FBN2: variants seen among roughly 807,000 people sequenced by gnomAD.
FBN2 encodes the protein fibrillin 2, also known as fibrillin-2.
Under a neutral mutation model 355.6 loss-of-function variants are expected in FBN2, and 105 were observed. That is an observed-to-expected ratio of 0.30 (90% CI 0.25 to 0.35). FBN2 has a LOEUF of 0.35. Ranked by LOEUF, FBN2 falls within the 10% of genes least tolerant of loss-of-function variation. The pLI is 1.00. For synonymous variants in FBN2, 1,350 were observed against 1,301.2 expected, an observed-to-expected ratio of 1.04 and a Z score of -0.81; for missense variants, 3,280 against 3,758.7, an observed-to-expected ratio of 0.87 and a Z score of 3.33.
chr5:128,289,072 A>G (rs1420781546), intron 52 of FBN2, 55 bp downstream of exon 52: 2 of 1,591,634 alleles, frequency 1.3e-6, no homozygotes, highest in Non-Finnish European at 1.7e-6. Flanking sequence ...CCTTTTACTG[A>G]ATATGAGAAG....
chr5:128,317,058 G>A (rs939040116), intron 36 of FBN2, among the ~76,000 whole-genome samples: 1 of 151,950 alleles, frequency 6.6e-6, no homozygotes, highest in Non-Finnish European at 1.5e-5. Context: ...TGTCTCTAAC[G>A]CCAGCCTTCT....
intron 5 of FBN2, among the ~76,000 whole-genome samples, chr5:128,495,904 CAT>C (rs1320681764): frequency 6.6e-6 from 1 of 152,034 alleles, no homozygotes; most frequent in Non-Finnish European, 1.5e-5. Context: ...ACAAATCAGA[CAT>C]ATGAAATGGA....
chr5:128,424,013 A>G (rs866455120), intron 7 of FBN2, among the ~76,000 whole-genome samples: 1 of 152,286 alleles, frequency 6.6e-6, no homozygotes, highest in South Asian at 2.1e-4. Context: ...AATTGTGCCA[A>G]TCACTGTCAT....
chr5:128,496,896 C>T (rs1334788612), intron 5 of FBN2, among the ~76,000 whole-genome samples: 1 of 151,976 alleles, frequency 6.6e-6, no homozygotes, highest in East Asian at 1.9e-4. Flanking sequence ...AACTGCATTA[C>T]TGTACACTGG....
intron 5 of FBN2, among the ~76,000 whole-genome samples, chr5:128,506,538 T>G (rs955899325): frequency 6.6e-6 from 1 of 152,130 alleles, no homozygotes; most frequent in African/African-American, 2.4e-5. Context: ...ACTTATGAGC[T>G]CCAGTAGATT....
At chr5:128,477,378 G>A (rs1755033656) in intron 5 of FBN2, among the ~76,000 whole-genome samples, 1 of 152,102 alleles carries the variant, frequency 6.6e-6, no homozygotes, top group South Asian at 2.1e-4. Flanking sequence ...AAGGAGTTAT[G>A]TTTGAAACTG....
intron 28 of FBN2, among the ~76,000 whole-genome samples, 186 bp downstream of exon 28, chr5:128,335,802 G>C (rs1323933300): frequency 6.6e-6 from 1 of 152,212 alleles, no homozygotes; most frequent in East Asian, 1.9e-4. Context: ...ATGGGGATTA[G>C]AGCATTTTCT....
chr5:128,390,316 C>T (rs1377206352), intron 11 of FBN2, among the ~76,000 whole-genome samples: 1 of 152,070 alleles, frequency 6.6e-6, no homozygotes, highest in Non-Finnish European at 1.5e-5. Flanking sequence ...CATTGAGATC[C>T]TTTCAGAGTG....
Position 128,393,376 on chromosome 5 carries a change from A to G in FBN2, c.1232-8T>C, listed in dbSNP as rs754841637. 1.4e-5 allele frequency: 22 copies of G among 1,612,730 alleles called. No individual in the cohort carries two copies. Among genetic ancestry groups the G allele is most frequent in the Admixed American group, 1.3e-4 (8 of 60,010 alleles). On this transcript the variant is annotated splice_polypyrimidine_tract_variant and splice_region_variant and intron_variant, in intron 9 of 64. Transcript: ENST00000262464. Reference sequence around the variant, plus strand: ...AAAGTCTGCGATATTCCTCTAGAAGAAAAGAAAGTTGGCATTAAGCACAGG... The same window carrying G: ...AAAGTCTGCGATATTCCTCTAGAAGGAAAGAAAGTTGGCATTAAGCACAGG...
At chr5:128,402,315 A>G (rs939287073) in intron 8 of FBN2, among the ~76,000 whole-genome samples, 1 of 152,198 alleles carries the variant, frequency 6.6e-6, no homozygotes, top group Non-Finnish European at 1.5e-5. Flanking sequence ...GTTTAACTGT[A>G]GAACCAATGT....
intron 6 of FBN2, among the ~76,000 whole-genome samples, chr5:128,456,287 T>G (rs755749996): frequency 1.3e-5 from 2 of 151,976 alleles, no homozygotes; most frequent in African/African-American, 4.8e-5. Context: ...AGAGACAGAA[T>G]TTGGATCTCC....
intron 57 of FBN2, 118 bp from the exon 58 acceptor site, chr5:128,278,123 A>G (rs774943518): frequency 6.1e-6 from 6 of 986,542 alleles, no homozygotes; most frequent in East Asian, 2.5e-5. Context: ...AACATTCCTA[A>G]TAGCACTGGA....
intron 5 of FBN2, among the ~76,000 whole-genome samples, chr5:128,518,700 T>C (rs1756351894): frequency 6.6e-6 from 1 of 152,162 alleles, no homozygotes; most frequent in East Asian, 1.9e-4. Context: ...ACATGTTTCC[T>C]TAGTGACTGC....
intron 19 of FBN2, among the ~76,000 whole-genome samples, chr5:128,360,162 G>A (rs1227331911): frequency 6.6e-6 from 1 of 152,004 alleles, no homozygotes; most frequent in Non-Finnish European, 1.5e-5. Flanking sequence ...AGAAAATCAG[G>A]AAAAACAAAA....
At chr5:128,314,350 G>A (rs1487293179) in intron 36 of FBN2, among the ~76,000 whole-genome samples, 6 of 151,966 alleles carry the variant, frequency 3.9e-5, no homozygotes, top group East Asian at 3.9e-4. Flanking sequence ...TTTTGGGGAC[G>A]GAGTCTTCCT....
chr5:128,413,354 G>A (rs955025603), intron 7 of FBN2, among the ~76,000 whole-genome samples: 1 of 152,114 alleles, frequency 6.6e-6, no homozygotes, highest in African/African-American at 2.4e-5. Context: ...GGGAAGGAAG[G>A]ATCATGGAGG....
chr5:128,376,738 G>A lies in FBN2; in HGVS notation c.1965C>T (p.Tyr655=), dbSNP rs1264005629. Reference sequence around the variant, plus strand: ...TCTGAAAGCCACACATACCAGTACAGTAACGCCCATTTGGAGCCAAGACAA... The same window carrying A: ...TCTGAAAGCCACACATACCAGTACAATAACGCCCATTTGGAGCCAAGACAA... ...PGFVLAPNGR[Y]CTDVDECQTP... Residue 655 remains tyrosine, a synonymous_variant, in exon 14 of 65, where the codon TAC becomes TAT. Transcript: ENST00000262464. The A allele has an allele frequency of 1.9e-6, 3 of 1,613,588 alleles. No individual in the cohort carries two copies. The highest frequency in any genetic ancestry group is 1.6e-4 in the Middle Eastern group (1 of 6,080).
intron 13 of FBN2, 147 bp from the exon 14 acceptor site, chr5:128,377,000 C>G: frequency 2.2e-6 from 2 of 924,604 alleles, no homozygotes; most frequent in Non-Finnish European, 3.4e-6. Context: ...AGAACGCCAA[C>G]TGAATGAGAA....
chr5:128,324,521 TC>T (rs1337001874), intron 34 of FBN2, among the ~76,000 whole-genome samples: 13 of 152,196 alleles, frequency 8.5e-5, no homozygotes, highest in Non-Finnish European at 1.6e-4. Flanking sequence ...ACTTCTGTAT[TC>T]CTGCCTTAAT....
Sources: gnomAD v4.1 joint callset for allele counts (sites outside exome capture counted in the v4.1 genomes callset) on GRCh38, gnomAD v4.1.1 for gene constraint, MANE v1.5 for transcripts, NCBI Gene and HGNC (gene_info 2026-07-23, HGNC 2026-07-21) for gene names.